The following SERGEF variants were observed in gnomAD, a reference collection of about 807,000 sequenced individuals.
SERGEF encodes secretion regulating guanine nucleotide exchange factor, also known as secretion-regulating guanine nucleotide exchange factor.
In SERGEF, 51 loss-of-function variants were observed where a neutral mutation model predicts 50.0. That is an observed-to-expected ratio of 1.02 (90% confidence interval 0.81 to 1.29). The LOEUF (loss-of-function observed/expected upper bound fraction) is 1.29. Among genes scored for constraint, SERGEF ranks in the 50% most tolerant of loss-of-function variants. The pLI is 0.00. For missense variants in SERGEF, 521 were observed against 557.0 expected, an observed-to-expected ratio of 0.94 and a Z score of 0.65; for synonymous variants, 205 against 212.4, an observed-to-expected ratio of 0.97 and a Z score of 0.30.
At chr11:17,912,406 C>G (rs577923043) in intron 9 of SERGEF, among the ~76,000 whole-genome samples, 28 of 152,208 alleles carry the variant, frequency 1.8e-4, no homozygotes, top group African/African-American at 6.7e-4. Context: ...GGTATTGTAC[C>G]AATGCCCATT....
chr11:17,861,007 C>T (rs1046296156), intron 10 of SERGEF, among the ~76,000 whole-genome samples: 1 of 152,194 alleles, frequency 6.6e-6, no homozygotes, highest in East Asian at 1.9e-4. Context: ...CCACAATAAT[C>T]AGGTAGCAAG....
chr11:17,914,040 T>C (rs1469027070), intron 9 of SERGEF, among the ~76,000 whole-genome samples: 1 of 152,238 alleles, frequency 6.6e-6, no homozygotes, highest in Non-Finnish European at 1.5e-5. Context: ...TCTTCTCAAA[T>C]TGGCCCCAGT....
At chr11:17,809,090 T>G (rs2237952) in intron 10 of SERGEF, among the ~76,000 whole-genome samples, 60,362 of 152,056 alleles carry the variant, frequency 0.4, 13,865 homozygotes, top group East Asian at 0.72. Flanking sequence ...TCATGGCACC[T>G]GCTAGCAAGG....
At chr11:17,908,007 T>C (rs1328207502) in intron 9 of SERGEF, among the ~76,000 whole-genome samples, 1 of 152,226 alleles carries the variant, frequency 6.6e-6, no homozygotes, top group African/African-American at 2.4e-5. Context: ...CTCTCCATTA[T>C]TGCTGCCATA....
At chr11:17,847,284 G>A (rs1362780657) in intron 10 of SERGEF, among the ~76,000 whole-genome samples, 1 of 152,186 alleles carries the variant, frequency 6.6e-6, no homozygotes, top group African/African-American at 2.4e-5. Flanking sequence ...ACATGCCTGA[G>A]CAGACGGCAG....
chr11:17,926,972 C>T (rs1227534304), intron 9 of SERGEF: 1 of 388,158 alleles, frequency 2.6e-6, no homozygotes, highest in Non-Finnish European at 5.2e-6. Context: ...ACGGATAAAC[C>T]AACCATCGCC....
At chr11:17,985,969 C>G (rs747378753) in intron 8 of SERGEF, among the ~76,000 whole-genome samples, 6 of 152,190 alleles carry the variant, frequency 3.9e-5, no homozygotes, top group African/African-American at 1.2e-4. Flanking sequence ...CATTAGACGC[C>G]AATAGTGTCT....
intron 9 of SERGEF, among the ~76,000 whole-genome samples, chr11:17,951,859 T>A (rs1852781361): frequency 6.6e-6 from 1 of 152,090 alleles, no homozygotes; most frequent in Non-Finnish European, 1.5e-5. Context: ...CACTCAGGGG[T>A]CAGAGCCAAT....
chr11:17,873,908 A>C (rs1198817588), intron 10 of SERGEF, among the ~76,000 whole-genome samples: 6 of 152,226 alleles, frequency 3.9e-5, no homozygotes, highest in Non-Finnish European at 8.8e-5. Context: ...TTCAAGCCAA[A>C]ATAAGCTGCT....
rs1851401009 is a variant in SERGEF, at chr11:17,884,922, G to T, written c.1012-6678C>A. 6.6e-6 allele frequency among the ~76,000 whole-genome samples: 1 copy of T among 152,108 alleles called. No individual in the cohort carries two copies. ...ACCTGCAATACCTCCCATCTTCACA[G>T]CCACTCTGAGAAGTGGGAATCTGTC... On this transcript the variant is annotated intron_variant, in intron 9 of 10. Transcript: ENST00000265965. The surrounding 1 kb of genome is among the most constrained non-coding windows in gnomAD (Gnocchi z 4.6).
At chr11:17,844,765 T>C (rs1850572022) in intron 10 of SERGEF, among the ~76,000 whole-genome samples, 1 of 152,038 alleles carries the variant, frequency 6.6e-6, no homozygotes, top group Non-Finnish European at 1.5e-5. Flanking sequence ...ATTGGCTACA[T>C]GTAGAAGACA....
chr11:17,882,258 A>T (rs994598825), intron 9 of SERGEF, among the ~76,000 whole-genome samples: 2 of 152,106 alleles, frequency 1.3e-5, no homozygotes, highest in African/African-American at 2.4e-5. Flanking sequence ...TCTACTAAAA[A>T]TACAAAAATA....
intron 10 of SERGEF, among the ~76,000 whole-genome samples, chr11:17,800,148 GA>G (rs1849642771): frequency 6.6e-6 from 1 of 151,982 alleles, no homozygotes; most frequent in African/African-American, 2.4e-5. Flanking sequence ...ATATATTAAT[GA>G]ATTTTTTTCC....
chr11:17,969,404 A>G (rs79933933), intron 8 of SERGEF, among the ~76,000 whole-genome samples: 2,731 of 152,272 alleles, frequency 0.018, 79 homozygotes, highest in African/African-American at 0.062. Flanking sequence ...TTAGCTGCAT[A>G]ATTAAAAAAT....
chr11:17,968,650 G>A (rs1292151212), intron 8 of SERGEF, among the ~76,000 whole-genome samples: 2 of 151,326 alleles, frequency 1.3e-5, no homozygotes, highest in African/African-American at 4.9e-5. Context: ...GTTGCAGGGA[G>A]CTATGACCAT....
chr11:17,867,057 T>C (rs1851041675), intron 10 of SERGEF, among the ~76,000 whole-genome samples: 1 of 152,226 alleles, frequency 6.6e-6, no homozygotes, highest in South Asian at 2.1e-4. Flanking sequence ...AACCATATCA[T>C]TCTGCCCCTG....
chr11:17,941,903 CATA>C (rs1313461640), intron 9 of SERGEF, among the ~76,000 whole-genome samples: 4 of 152,122 alleles, frequency 2.6e-5, no homozygotes, highest in African/African-American at 9.7e-5. Flanking sequence ...CAACTTTTCA[CATA>C]ATCTTGGTCA....
chr11:17,995,786 A>C lies in SERGEF; in HGVS notation c.622+10T>G. 1 of 1,558,430 alleles carries C rather than the reference A, an allele frequency of 6.4e-7. No individual in the cohort carries two copies. The highest frequency in any genetic ancestry group is 8.9e-7 in the Non-Finnish European group (1 of 1,129,812). ...GAACAAATATAGGACTAAAGAAAGA[A>C]GCATCTTACCTGTCACTCTGCTTGG... On this transcript the variant is annotated intron_variant, in intron 6 of 10. Transcript: ENST00000265965.
chr11:17,878,161 C>T lies in SERGEF; in HGVS notation c.1048+47G>A, dbSNP rs762138638. ...TAACCAAAAGTCTTCTCCAATTCTG[C>T]CACATGATTTTCAGAAGAAACAGTT... On this transcript the variant is annotated intron_variant, in intron 10 of 10. Coordinates refer to ENST00000265965, the MANE Select transcript of SERGEF (RefSeq NM_012139.4). The T allele has an allele frequency of 3.6e-6, 5 of 1,384,934 alleles. No homozygotes were observed. The East Asian group carries it at 6.9e-5, about 19-fold the overall frequency. The allele number at this position is 1,384,934 out of a possible 1,614,324, so 85.8% of individuals were successfully genotyped here. A position where few individuals can be genotyped will look rare whatever the true frequency, so the allele number is the denominator to read the frequency against.
Sources: allele counts gnomAD v4.1 joint callset (sites outside exome capture counted in the v4.1 genomes callset), GRCh38; gene constraint gnomAD v4.1.1; non-coding constraint Gnocchi (gnomAD v3.1); transcripts MANE v1.5; gene names NCBI Gene and HGNC (gene_info 2026-07-23, HGNC 2026-07-21).